The following PKD1L1 variants were observed in gnomAD, a reference collection of about 807,000 sequenced individuals.
The protein encoded by PKD1L1 is polycystin-1-like protein 1.
In PKD1L1, 236 loss-of-function variants were observed where a neutral mutation model predicts 323.4. The ratio of observed to expected loss-of-function variants is 0.73; its 90% confidence interval spans 0.66 to 0.81. PKD1L1 has a LOEUF of 0.81. Among genes scored for constraint, PKD1L1 ranks in the 40% least tolerant of loss-of-function variants. The pLI is 0.00. For synonymous variants in PKD1L1, 1,344 were observed against 1,335.0 expected (o/e 1.01, Z -0.15); for missense variants, 3,320 against 3,508.0 (o/e 0.95, Z 1.35).
At chr7:47,895,003 C>T (rs562158455) in intron 14 of PKD1L1, among the ~76,000 whole-genome samples, 33 of 152,310 alleles carry the variant, frequency 2.2e-4, no homozygotes, top group African/African-American at 3.6e-4. Context: ...CCAAAGACAA[C>T]GGAACAGCTG....
chr7:47,846,413 C>A (rs1279916598), intron 32 of PKD1L1, among the ~76,000 whole-genome samples: 1 of 152,188 alleles, frequency 6.6e-6, no homozygotes, highest in African/African-American at 2.4e-5. Flanking sequence ...CCTTCACCAC[C>A]AGGCTGTGGA....
At chr7:47,850,355 G>T (rs1785752155) in intron 31 of PKD1L1, among the ~76,000 whole-genome samples, 1 of 152,124 alleles carries the variant, frequency 6.6e-6, no homozygotes, top group Non-Finnish European at 1.5e-5. Flanking sequence ...AATGGGGACG[G>T]GCGCCGTGGC....
At chr7:47,938,499 T>C (rs1436247192) in intron 3 of PKD1L1, among the ~76,000 whole-genome samples, 1 of 152,172 alleles carries the variant, frequency 6.6e-6, no homozygotes, top group Non-Finnish European at 1.5e-5. Context: ...GTGAGCAGCA[T>C]GGGAGACACA....
At chr7:47,883,660 G>T (rs1373264170) in intron 19 of PKD1L1, among the ~76,000 whole-genome samples, 1 of 152,174 alleles carries the variant, frequency 6.6e-6, no homozygotes, top group Non-Finnish European at 1.5e-5. Context: ...ACGACACACA[G>T]GAAGGAACAT....
intron 17 of PKD1L1, 83 bp downstream of exon 17, chr7:47,887,907 G>T: frequency 7.3e-7 from 1 of 1,378,520 alleles, no homozygotes; most frequent in East Asian, 2.4e-5. Context: ...CATACCAAAT[G>T]TATTTTGCAA....
At position 47,890,564 on chromosome 7, in the gene PKD1L1, G is replaced by A; in HGVS notation, c.2653C>T (p.Pro885Ser). 1.2e-6 allele frequency: 2 copies of A among 1,614,110 alleles called. No homozygotes were observed. The highest frequency in any genetic ancestry group is 1.7e-6 in the Non-Finnish European group (2 of 1,180,042). The change falls in exon 16 of 57, where the codon CCC (proline) becomes TCC (serine). Residue 885 changes from proline (P) to serine (S), a missense_variant. By Grantham distance (74) the Pro-to-Ser change is moderately conservative. Coordinates refer to ENST00000289672, the MANE Select transcript of PKD1L1 (RefSeq NM_138295.5). The part of the protein sequence containing the change: ...NSSETRVFLS[P>S]YPDSAFRFVH... ...TACCTGAACGCCGAGTCAGGGTAGG[G>A]GGACAGGAACACCCGGGTCTCAGAA...
rs1787766888 is a variant in PKD1L1, at chr7:47,931,260, A to G, written c.581T>C (p.Val194Ala). The G allele has an allele frequency of 1.6e-5, 26 of 1,614,266 alleles. No homozygotes were observed. Among genetic ancestry groups the G allele is most frequent in the Non-Finnish European group, 2.2e-5 (26 of 1,180,048 alleles). ...CSLKMEASCC[V>A]LRLLCCAEDV... ...CTCCGCACAGCACAGCAGTCTCAGG[A>G]CACAGCAGGAAGCCTCCATCTTCAG... Residue 194 changes from valine to alanine, a missense_variant, in exon 6 of 57, where the codon GTC (valine) becomes GCC (alanine). Physicochemically the swap from Val to Ala is moderately conservative, Grantham distance 64. Coordinates refer to ENST00000289672, the MANE Select transcript of PKD1L1 (RefSeq NM_138295.5).
chr7:47,910,335 CTTTTT>C (rs764658101), intron 8 of PKD1L1, among the ~76,000 whole-genome samples: 1 of 137,534 alleles, frequency 7.3e-6, no homozygotes, highest in African/African-American at 2.7e-5. Context: ...ATCTTACTTT[CTTTTT>C]TTTTTTTTTT....
At chr7:47,781,998 C>G (rs1360142502) in intron 56 of PKD1L1, among the ~76,000 whole-genome samples, 1 of 152,154 alleles carries the variant, frequency 6.6e-6, no homozygotes, top group Non-Finnish European at 1.5e-5. Flanking sequence ...ATTCTGGGAT[C>G]TCTATTCCTG....
At chr7:47,825,458 G>A (rs987827031) in intron 45 of PKD1L1, among the ~76,000 whole-genome samples, 2 of 151,620 alleles carry the variant, frequency 1.3e-5, no homozygotes, top group African/African-American at 4.9e-5. Flanking sequence ...TTAAACCTGA[G>A]AGGCGGGGGT....
intron 40 of PKD1L1, among the ~76,000 whole-genome samples, 187 bp from the exon 41 acceptor site, chr7:47,833,439 C>A (rs1292249481): frequency 6.6e-6 from 1 of 152,166 alleles, no homozygotes; most frequent in African/African-American, 2.4e-5. Context: ...CTCCTTTGTA[C>A]CCCTTGGGGG....
In PKD1L1 at chr7:47,905,307, T is replaced by C; in HGVS notation, c.1541A>G (p.Asn514Ser). The C allele has an allele frequency of 6.2e-7, 1 of 1,614,016 alleles. No homozygotes were observed. Among genetic ancestry groups the C allele is most frequent in the Non-Finnish European group, 8.5e-7 (1 of 1,179,948 alleles). ...TGTGTCTGTGGCAAACACAGTTCCA[T>C]TTGTGTAGACAGAGACGGCTGTGGC... Reference protein sequence around the residue: ...YKMQSVSVYTNGTVFATDTDI... With the variant: ...YKMQSVSVYTSGTVFATDTDI... The change falls in exon 11 of 57, where the codon AAT becomes AGT. Residue 514 changes from asparagine (N) to serine (S), a missense_variant. Asn to Ser is a conservative substitution (Grantham distance 46, BLOSUM62 1). Transcript: ENST00000289672.
chr7:47,804,911 C>T (rs1784744755), intron 52 of PKD1L1, among the ~76,000 whole-genome samples: 2 of 152,106 alleles, frequency 1.3e-5, no homozygotes, highest in African/African-American at 4.8e-5. Flanking sequence ...GACTATTGGA[C>T]AACACGGCTA....
At chr7:47,883,005 G>A (rs918957950) in intron 19 of PKD1L1, among the ~76,000 whole-genome samples, 12 of 152,196 alleles carry the variant, frequency 7.9e-5, no homozygotes, top group African/African-American at 2.9e-4. Context: ...GGTCACTGAA[G>A]CAAGATATAG....
chr7:47,803,269 T>C lies in PKD1L1; in HGVS notation c.7903A>G (p.Thr2635Ala), dbSNP rs746166152. 3.5e-5 allele frequency: 57 copies of C among 1,614,010 alleles called. No homozygotes were observed. The highest frequency in any genetic ancestry group is 4.7e-5 in the Non-Finnish European group (55 of 1,180,044). Residue 2635 changes from threonine to alanine, a missense_variant, in exon 53 of 57, where the codon ACA (threonine) becomes GCA (alanine). Transcript: ENST00000289672. ...KCVYLPGIQN[T>A]MASCSSMMRH... The stretch of plus-strand genomic sequence containing the variant: ...ATCATGGAGGAGCAGGATGCCATTG[T>C]GTTTTGAATGCCAGGAAGATAGACG...
intron 26 of PKD1L1, among the ~76,000 whole-genome samples, chr7:47,861,880 CAAAAAAAA>C (rs60918464): frequency 2.3e-5 from 1 of 43,900 alleles, no homozygotes; most frequent in Non-Finnish European, 3.7e-5. Flanking sequence ...GACTCTGTCT[CAAAAAAAA>C]AAAAAAAAAA....
intron 56 of PKD1L1, 125 bp downstream of exon 56, chr7:47,792,502 T>C (rs1210623338): frequency 6.4e-6 from 6 of 942,260 alleles, no homozygotes; most frequent in Admixed American, 5.2e-5. Flanking sequence ...TTATCAGCAG[T>C]ATGATATCTA....
intron 56 of PKD1L1, among the ~76,000 whole-genome samples, chr7:47,787,928 C>G (rs1009308747): frequency 6.6e-6 from 1 of 152,020 alleles, no homozygotes; most frequent in Non-Finnish European, 1.5e-5. Context: ...CCAGACTGGT[C>G]GCGAACTCCT....
At chr7:47,783,823 G>A (rs937099381) in intron 56 of PKD1L1, among the ~76,000 whole-genome samples, 1 of 152,166 alleles carries the variant, frequency 6.6e-6, no homozygotes, top group Admixed American at 6.5e-5. Flanking sequence ...CTTTGTCATG[G>A]CAGCCCTAGC....
Sources: allele counts gnomAD v4.1 joint callset (sites outside exome capture counted in the v4.1 genomes callset), GRCh38; gene constraint gnomAD v4.1.1; transcripts MANE v1.5; gene names NCBI Gene and HGNC (gene_info 2026-07-23, HGNC 2026-07-21).